The following SCARA5 variants were observed in gnomAD, a reference collection of about 807,000 sequenced individuals.
SCARA5 encodes the protein scavenger receptor class A, member 5 (putative).
In SCARA5, 45 loss-of-function variants were observed where a neutral mutation model predicts 46.3. The observed-to-expected ratio is 0.97, with a 90% CI of 0.76 to 1.24. The LOEUF (loss-of-function observed/expected upper bound fraction) is 1.24. Among genes scored for constraint, SCARA5 ranks in the 50% most tolerant of loss-of-function variants. SCARA5 has a pLI of 0.00. For synonymous variants in SCARA5, 333 were observed against 306.5 expected, an observed-to-expected ratio of 1.09 and a Z score of -0.90; for missense variants, 680 against 689.0, an observed-to-expected ratio of 0.99 and a Z score of 0.15.
At chr8:27,955,257 G>A (rs931856988) in intron 3 of SCARA5, among the ~76,000 whole-genome samples, 5 of 152,180 alleles carry the variant, frequency 3.3e-5, no homozygotes, top group African/African-American at 1.2e-4. Flanking sequence ...CCTGGGAGAT[G>A]TCCTATCATG....
chr8:27,890,335 C>T (rs572674982), intron 7 of SCARA5, among the ~76,000 whole-genome samples: 1 of 152,342 alleles, frequency 6.6e-6, no homozygotes, highest in East Asian at 1.9e-4. Context: ...TGAGGTTAAA[C>T]CAGCAGGGCC....
intron 7 of SCARA5, among the ~76,000 whole-genome samples, chr8:27,903,984 ACT>A (rs757353074): frequency 9.9e-5 from 15 of 151,606 alleles, no homozygotes; most frequent in Admixed American, 9.9e-4. Flanking sequence ...TGGCTAGGAG[ACT>A]CTGTTCATTC....
intron 3 of SCARA5, among the ~76,000 whole-genome samples, chr8:27,952,312 T>C (rs189504276): frequency 2.3e-4 from 35 of 152,234 alleles, no homozygotes; most frequent in African/African-American, 7.9e-4. Flanking sequence ...AAATAAATTG[T>C]TATTTAAAGC....
At chr8:27,960,146 G>A (rs773827602) in intron 3 of SCARA5, among the ~76,000 whole-genome samples, 11 of 151,548 alleles carry the variant, frequency 7.3e-5, no homozygotes, top group Non-Finnish European at 1.5e-4. Flanking sequence ...CTCTGATTGT[G>A]GGAATAATAA....
At chr8:27,907,089 T>C in intron 6 of SCARA5, 59 bp downstream of exon 6, 1 of 1,241,220 alleles carries the variant, frequency 8.1e-7, no homozygotes, top group Non-Finnish European at 1.2e-6. Flanking sequence ...CCCATGCCAA[T>C]GCCCATGTGC....
intron 2 of SCARA5, among the ~76,000 whole-genome samples, chr8:27,974,908 C>T (rs991010741): frequency 5.3e-5 from 4 of 74,996 alleles, no homozygotes; most frequent in Admixed American, 1.7e-4. Context: ...TCCTGGTCAT[C>T]ATCCTGAATC....
At chr8:27,905,968 C>T (rs1807255791) in intron 6 of SCARA5, among the ~76,000 whole-genome samples, 1 of 152,256 alleles carries the variant, frequency 6.6e-6, no homozygotes, top group East Asian at 1.9e-4. Context: ...GCCTTGGCCT[C>T]CCAAAGCGCT....
chr8:27,947,232 G>A (rs953044190), intron 3 of SCARA5, among the ~76,000 whole-genome samples: 4 of 152,122 alleles, frequency 2.6e-5, no homozygotes, highest in Admixed American at 6.6e-5. Context: ...GGCTGGTCTC[G>A]AACTCCTGAC....
intron 3 of SCARA5, among the ~76,000 whole-genome samples, chr8:27,952,050 T>C (rs556948949): frequency 1.6e-4 from 1 of 6,374 alleles, no homozygotes; most frequent in South Asian, 0.02. Context: ...TTGTATTGGG[T>C]TGGGGACCAA....
intron 2 of SCARA5, among the ~76,000 whole-genome samples, chr8:27,967,465 G>A (rs2726937): frequency 6.6e-6 from 1 of 151,588 alleles, no homozygotes; most frequent in Non-Finnish European, 1.5e-5. Context: ...TGGAAAGAAG[G>A]GATCCTCTCC....
At chr8:27,980,141 C>T (rs1396384304) in intron 2 of SCARA5, among the ~76,000 whole-genome samples, 2 of 152,222 alleles carry the variant, frequency 1.3e-5, no homozygotes, top group Admixed American at 6.5e-5. Flanking sequence ...CTATTTCACA[C>T]CTCTTTGTGC....
At chr8:27,986,910 C>G (rs1324122554) in intron 2 of SCARA5, among the ~76,000 whole-genome samples, 1 of 152,186 alleles carries the variant, frequency 6.6e-6, no homozygotes, top group Non-Finnish European at 1.5e-5. Context: ...TGCACAGGAG[C>G]CAAGCTGGTG....
At chr8:27,966,583 T>G in intron 2 of SCARA5, 41 bp from the exon 3 acceptor site, 1 of 1,565,832 alleles carries the variant, frequency 6.4e-7, no homozygotes, top group Non-Finnish European at 8.6e-7. Context: ...AGAAGACACT[T>G]AAAAACCCCA....
Position 27,879,726 on chromosome 8 carries a change from G to T in SCARA5, c.1194C>A (p.Gly398=). 6.2e-7 allele frequency: 1 copy of T among 1,613,118 alleles called. No homozygotes were observed. ...CCACGCGGCCCTCGTGCGGACCTGA[G>T]CCATTCACCAGGCGGATCATCATCG... ...EAPMMIRLVN[G]SGPHEGRVEV... is the part of the protein sequence containing the mutation. Residue 398 remains glycine, a synonymous_variant, in exon 8 of 9, where the codon GGC becomes GGA. Transcript: ENST00000354914.
chr8:27,963,367 C>T (rs577620655), intron 3 of SCARA5, among the ~76,000 whole-genome samples: 1 of 152,264 alleles, frequency 6.6e-6, no homozygotes, highest in African/African-American at 2.4e-5. Context: ...GAATCGGGAA[C>T]AGAATGAAAA....
intron 8 of SCARA5, among the ~76,000 whole-genome samples, chr8:27,878,180 A>G (rs61278401): frequency 0.25 from 37,419 of 152,100 alleles, 5,166 homozygotes; most frequent in Middle Eastern, 0.4. Flanking sequence ...ATCAGCCCCA[A>G]TCCCTCCCCA....
At chr8:27,905,524 G>GGCGGGGGGGGGGC (rs201408036) in intron 6 of SCARA5, among the ~76,000 whole-genome samples, 1 of 30,960 alleles carries the variant, frequency 3.2e-5, no homozygotes, top group African/African-American at 1.0e-4. Context: ...TCCAAGATTT[G>GGCGGGGGGGGGGC]GGGGGGGGAA....
rs532223395 is a variant in SCARA5 at position 27,966,352 on chromosome 8, T to C, written c.241+62A>G. 25 of 1,499,044 alleles carry C rather than the reference T, an allele frequency of 1.7e-5. No individual in the cohort carries two copies. In the East Asian group the frequency reaches 4.6e-4, roughly 28 times the overall value. 92.9% of individuals were successfully genotyped at this position (1,499,044 alleles called of 1,614,324 possible). Reference sequence around the variant, plus strand: ...GGCTCATGACAGTGGGAATGAAGAGTGGAAGCTCCAGGTCTTCCTTCCTCA... The same window carrying C: ...GGCTCATGACAGTGGGAATGAAGAGCGGAAGCTCCAGGTCTTCCTTCCTCA... On this transcript the variant is annotated intron_variant, in intron 3 of 8. Transcript: ENST00000354914.
intron 6 of SCARA5, among the ~76,000 whole-genome samples, chr8:27,906,703 G>A (rs1439606335): frequency 6.6e-6 from 1 of 152,212 alleles, no homozygotes; most frequent in Non-Finnish European, 1.5e-5. Context: ...AGATTTTTGT[G>A]TGTGTGTTTT....
Sources: gnomAD v4.1 joint callset for allele counts (sites outside exome capture counted in the v4.1 genomes callset) on GRCh38, gnomAD v4.1.1 for gene constraint, MANE v1.5 for transcripts, NCBI Gene and HGNC (gene_info 2026-07-23, HGNC 2026-07-21) for gene names.